NRG3: variants seen among roughly 807,000 people sequenced by gnomAD.
NRG3 encodes neuregulin 3, also known as pro-neuregulin-3, membrane-bound isoform.
In NRG3, 31 loss-of-function variants were observed where a neutral mutation model predicts 66.9. The observed-to-expected ratio is 0.46, with a 90% confidence interval of 0.35 to 0.63. The LOEUF (loss-of-function observed/expected upper bound fraction) is 0.63. NRG3 is among the 20% of genes least tolerant of loss of function. The probability of loss-of-function intolerance (pLI) is 0.00; values close to 1 mark genes in which losing one functional copy is unlikely to be tolerated. For missense variants in NRG3, 910 were observed against 878.9 expected (o/e 1.04, Z -0.45); for synonymous variants, 393 against 359.4 (o/e 1.09, Z -1.06).
chr10:82,061,352 C>CAAACA (rs563433676), intron 1 of NRG3, among the ~76,000 whole-genome samples: 4,874 of 152,074 alleles, frequency 0.032, 260 homozygotes, highest in African/African-American at 0.11. Flanking sequence ...TTTTCCCTCT[C>CAAACA]AAACAAAACA....
At chr10:82,129,271 AT>A (rs1405852270) in intron 1 of NRG3, among the ~76,000 whole-genome samples, 5 of 152,144 alleles carry the variant, frequency 3.3e-5, no homozygotes, top group African/African-American at 7.2e-5. Flanking sequence ...AAAAACCACA[AT>A]ACTACATTGT....
intron 2 of NRG3, among the ~76,000 whole-genome samples, chr10:82,440,214 A>T (rs1391856888): frequency 6.6e-6 from 1 of 151,580 alleles, no homozygotes; most frequent in Admixed American, 6.6e-5. Flanking sequence ...GATTTGTATT[A>T]TTTTCATTAC....
At chr10:82,483,495 A>G (rs774563929) in intron 2 of NRG3, among the ~76,000 whole-genome samples, 2 of 152,202 alleles carry the variant, frequency 1.3e-5, no homozygotes, top group Non-Finnish European at 2.9e-5. Flanking sequence ...GGTGATGATG[A>G]CATGATGTTG....
At chr10:82,503,380 C>T (rs1844380056) in intron 2 of NRG3, among the ~76,000 whole-genome samples, 1 of 152,100 alleles carries the variant, frequency 6.6e-6, no homozygotes, top group Non-Finnish European at 1.5e-5. Flanking sequence ...AGAGAAGGAA[C>T]TTTGGTAGTA....
chr10:82,927,577 A>C (rs1317313294), intron 4 of NRG3, among the ~76,000 whole-genome samples: 4 of 151,928 alleles, frequency 2.6e-5, no homozygotes, highest in African/African-American at 9.7e-5. Context: ...CCCACTTATG[A>C]GTGAGAGCAT....
intron 1 of NRG3, among the ~76,000 whole-genome samples, chr10:82,063,955 A>C (rs1165175822): frequency 1.3e-5 from 2 of 152,188 alleles, no homozygotes; most frequent in African/African-American, 4.8e-5. Context: ...TACTGCCCTG[A>C]TGAATGACTG....
At chr10:82,626,909 C>T (rs1029953291) in intron 2 of NRG3, among the ~76,000 whole-genome samples, 2 of 152,020 alleles carry the variant, frequency 1.3e-5, no homozygotes, top group African/African-American at 4.8e-5. Context: ...GTAATATTTT[C>T]CTCCTGCTCA....
chr10:82,293,645 C>T (rs924663838), intron 1 of NRG3, among the ~76,000 whole-genome samples: 1 of 152,122 alleles, frequency 6.6e-6, no homozygotes, highest in Admixed American at 6.6e-5. Context: ...TATGATTGTT[C>T]AGGCATGACC....
chr10:82,040,954 A>T (rs1226448598), intron 1 of NRG3, among the ~76,000 whole-genome samples: 1 of 152,094 alleles, frequency 6.6e-6, no homozygotes, highest in Admixed American at 6.6e-5. Flanking sequence ...CACATTTGTT[A>T]GAAAACTCAG....
chr10:82,118,514 G>T (rs1264708504), intron 1 of NRG3, among the ~76,000 whole-genome samples: 1 of 151,940 alleles, frequency 6.6e-6, no homozygotes, highest in East Asian at 1.9e-4. Context: ...GGTTTGAAAT[G>T]GAACTATTTA....
intron 1 of NRG3, among the ~76,000 whole-genome samples, chr10:82,175,821 C>T (rs997253190): frequency 3.6e-4 from 55 of 152,204 alleles, no homozygotes; most frequent in African/African-American, 1.1e-3. Flanking sequence ...CTTTGGTAGA[C>T]GGATACTATT....
At chr10:82,329,722 G>A (rs892683095) in intron 1 of NRG3, among the ~76,000 whole-genome samples, 1 of 152,090 alleles carries the variant, frequency 6.6e-6, no homozygotes, top group Non-Finnish European at 1.5e-5. Context: ...CAAACCAAAT[G>A]TCTAATGTGC....
chr10:81,880,244 C>T (rs1842057631), intron 1 of NRG3, among the ~76,000 whole-genome samples: 1 of 152,004 alleles, frequency 6.6e-6, no homozygotes, highest in Admixed American at 6.6e-5. Flanking sequence ...ACTCGTTGGT[C>T]TCCGTGCATT....
chr10:82,108,901 C>G (rs1362286680), intron 1 of NRG3, among the ~76,000 whole-genome samples: 1 of 152,054 alleles, frequency 6.6e-6, no homozygotes, highest in Non-Finnish European at 1.5e-5. Flanking sequence ...TCTCCTTATC[C>G]CCAGTTAATT....
At chr10:82,400,461 C>A (rs916103138) in intron 2 of NRG3, among the ~76,000 whole-genome samples, 1 of 152,014 alleles carries the variant, frequency 6.6e-6, no homozygotes, top group Non-Finnish European at 1.5e-5. Flanking sequence ...ACCTGAGGTT[C>A]TCTGTTTTTA....
intron 2 of NRG3, among the ~76,000 whole-genome samples, chr10:82,523,469 G>C (rs1185300385): frequency 1.3e-5 from 2 of 151,970 alleles, no homozygotes; most frequent in Non-Finnish European, 2.9e-5. Context: ...TTCTCTGATA[G>C]GTAATGATGG....
chr10:82,686,582 C>G (rs1374395958), intron 2 of NRG3, among the ~76,000 whole-genome samples: 1 of 152,148 alleles, frequency 6.6e-6, no homozygotes, highest in African/African-American at 2.4e-5. Context: ...ACTACAACAT[C>G]GTGACGACCA....
chr10:82,639,060 G>T (rs2050388874), intron 2 of NRG3, among the ~76,000 whole-genome samples: 1 of 152,122 alleles, frequency 6.6e-6, no homozygotes, highest in South Asian at 2.1e-4. Context: ...AGATCAAATT[G>T]AATAATCTAC....
chr10:82,061,115 G>T (rs1350353117), intron 1 of NRG3, among the ~76,000 whole-genome samples: 1 of 152,202 alleles, frequency 6.6e-6, no homozygotes, highest in Non-Finnish European at 1.5e-5. Flanking sequence ...CACTTTGGGA[G>T]GCAGAGGCGG....
Sources: gnomAD v4.1 joint callset for allele counts (sites outside exome capture counted in the v4.1 genomes callset) on GRCh38, gnomAD v4.1.1 for gene constraint, MANE v1.5 for transcripts, NCBI Gene and HGNC (gene_info 2026-07-23, HGNC 2026-07-21) for gene names.